The following PTPRG variants were observed in gnomAD, a reference collection of about 807,000 sequenced individuals.
The protein encoded by PTPRG is receptor-type tyrosine-protein phosphatase gamma.
A neutral mutation model predicts 165.3 loss-of-function variants in PTPRG; 102 were observed. The observed-to-expected ratio is 0.62, with a 90% CI of 0.53 to 0.73. The LOEUF (loss-of-function observed/expected upper bound fraction) is 0.73. Among genes scored for constraint, PTPRG ranks in the 30% least tolerant of loss-of-function variants. The pLI is 0.00. For missense variants in PTPRG, 1,866 were observed against 1,861.4 expected, an observed-to-expected ratio of 1.00 and a Z score of -0.05; for synonymous variants, 675 against 669.5, an observed-to-expected ratio of 1.01 and a Z score of -0.13.
intron 4 of PTPRG, among the ~76,000 whole-genome samples, chr3:62,036,983 G>GCGCACACA (rs145992725): frequency 0.022 from 3,319 of 150,546 alleles, 53 homozygotes; most frequent in South Asian, 0.057. Flanking sequence ...GCGCGCGCAC[G>GCGCACACA]CACACACACA....
At chr3:61,838,073 G>C (rs2036523925) in intron 2 of PTPRG, among the ~76,000 whole-genome samples, 1 of 152,156 alleles carries the variant, frequency 6.6e-6, no homozygotes, top group African/African-American at 2.4e-5. Context: ...ATGTTGCAGG[G>C]GAGGCACAAT....
chr3:62,154,692 T>G (rs1704469832), intron 6 of PTPRG, among the ~76,000 whole-genome samples: 1 of 152,198 alleles, frequency 6.6e-6, no homozygotes. Flanking sequence ...TGTCACTTCC[T>G]GTCAGCATAC....
chr3:62,267,449 A>T lies in PTPRG; in HGVS notation c.2696A>T (p.Lys899Ile). 2 of 1,612,198 alleles carry T rather than the reference A, an allele frequency of 1.2e-6. No individual in the cohort carries two copies. The highest frequency in any genetic ancestry group is 1.7e-6 in the Non-Finnish European group (2 of 1,178,524). Residue 899 changes from lysine to isoleucine, a missense_variant, in exon 18 of 30, where the codon AAA (lysine) becomes ATA (isoleucine). Transcript: ENST00000474889. ...GTGAAGTTAAGACCTTTACCAGGAA[A>T]AGACTCTAAGCACAGCGACTACATT... ...SRVKLRPLPGKDSKHSDYINA... is the reference protein window; with the variant it reads ...SRVKLRPLPGIDSKHSDYINA...
rs115043784 is a variant in PTPRG at position 61,956,874 on chromosome 3, T to C, written c.191-32751T>C. ...TCCTGGAATAGTACCACAGTGTGTT[T>C]TTCACTCCTTTAAAACATTCTTTAA... On this transcript the variant is annotated intron_variant, in intron 2 of 29. Transcript: ENST00000474889. Among the ~76,000 whole-genome samples the C allele has an allele frequency of 7.4e-3, 1,129 of 152,310 alleles. 12 individuals are homozygous for C. Among genetic ancestry groups the C allele is most frequent in the African/African-American group, 0.025 (1,046 of 41,560 alleles).
intron 4 of PTPRG, among the ~76,000 whole-genome samples, chr3:62,011,136 C>A (rs561176812): frequency 2.0e-4 from 30 of 152,310 alleles, no homozygotes; most frequent in Admixed American, 1.2e-3. Context: ...CCACCCCATC[C>A]TTCCAGTGCG....
chr3:62,281,538 C>CCTTTT, intron 26 of PTPRG, 25 bp from the exon 27 acceptor site: 1 of 620,526 alleles, frequency 1.6e-6, no homozygotes, highest in Non-Finnish European at 2.1e-6. Context: ...ACTGCAGAGG[C>CCTTTT]TTTTTTTTTT....
intron 1 of PTPRG, among the ~76,000 whole-genome samples, chr3:61,694,363 T>C (rs1222458939): frequency 6.6e-6 from 1 of 152,182 alleles, no homozygotes; most frequent in African/African-American, 2.4e-5. Context: ...TAACACTATC[T>C]CATGTTGATT....
chr3:62,185,757 A>G (rs1705854612), intron 8 of PTPRG, among the ~76,000 whole-genome samples: 1 of 152,198 alleles, frequency 6.6e-6, no homozygotes, highest in East Asian at 1.9e-4. Context: ...GTGTCCACGT[A>G]CTTGCCATTG....
At chr3:61,809,079 A>G (rs1575681017) in intron 2 of PTPRG, among the ~76,000 whole-genome samples, 2 of 150,914 alleles carry the variant, frequency 1.3e-5, no homozygotes, top group South Asian at 4.3e-4. Flanking sequence ...TATCATAAGA[A>G]TAAGTAAAAG....
At position 62,184,200 on chromosome 3, in the gene PTPRG, A is replaced by G. The variant is rs1705777064; in HGVS notation, c.1034-7269A>G. 3.3e-5 allele frequency among the ~76,000 whole-genome samples: 5 copies of G among 152,332 alleles called. No individual in the cohort carries two copies. In the South Asian group the frequency reaches 1.0e-3, roughly 32 times the overall value. ...GAGAGGAATGCACAGAGCCGGGCCC[A>G]GGGCATGTGCGTGGCAGCCGCAGCT... On this transcript the variant is annotated intron_variant, in intron 8 of 29. Coordinates refer to ENST00000474889, the MANE Select transcript of PTPRG (RefSeq NM_002841.4).
intron 2 of PTPRG, among the ~76,000 whole-genome samples, chr3:61,806,293 G>A (rs1220265085): frequency 3.3e-5 from 5 of 152,136 alleles, no homozygotes; most frequent in Admixed American, 6.6e-5. Context: ...ATGTGTTGGC[G>A]AGAAAGAAAG....
At chr3:62,220,841 C>T (rs1700635208) in intron 13 of PTPRG, among the ~76,000 whole-genome samples, 1 of 152,140 alleles carries the variant, frequency 6.6e-6, no homozygotes, top group East Asian at 1.9e-4. Flanking sequence ...AGACTGTCAC[C>T]ACAGGGGAGC....
At chr3:61,894,638 C>G (rs530475008) in intron 2 of PTPRG, among the ~76,000 whole-genome samples, 2 of 152,052 alleles carry the variant, frequency 1.3e-5, no homozygotes, top group African/African-American at 2.4e-5. Flanking sequence ...CTTAATGTCA[C>G]CCAGATATTA....
At chr3:62,050,081 T>C (rs1313629181) in intron 4 of PTPRG, among the ~76,000 whole-genome samples, 1 of 152,184 alleles carries the variant, frequency 6.6e-6, no homozygotes, top group Non-Finnish European at 1.5e-5. Context: ...AGAGAAATTG[T>C]TAAAAGAGGT....
At chr3:61,791,429 T>G (rs1287057219) in intron 2 of PTPRG, among the ~76,000 whole-genome samples, 1 of 152,258 alleles carries the variant, frequency 6.6e-6, no homozygotes, top group Non-Finnish European at 1.5e-5. Flanking sequence ...ATAACCTGTT[T>G]GAGGCAAGAG....
At chr3:61,833,163 G>C (rs566134913) in intron 2 of PTPRG, among the ~76,000 whole-genome samples, 1 of 151,712 alleles carries the variant, frequency 6.6e-6, no homozygotes, top group East Asian at 1.9e-4. Flanking sequence ...TTATTTGAAG[G>C]GTGGAGTAGA....
At chr3:61,839,543 C>T (rs531447554) in intron 2 of PTPRG, among the ~76,000 whole-genome samples, 1 of 152,156 alleles carries the variant, frequency 6.6e-6, no homozygotes, top group Admixed American at 6.5e-5. Context: ...TTAAACTAAC[C>T]TTGTCAGAGT....
At chr3:62,023,159 TTA>T (rs1467541866) in intron 4 of PTPRG, among the ~76,000 whole-genome samples, 3 of 152,196 alleles carry the variant, frequency 2.0e-5, no homozygotes, top group Non-Finnish European at 4.4e-5. Context: ...GCATATTATC[TTA>T]TGAGTTAATT....
At chr3:61,848,269 G>A (rs975695361) in intron 2 of PTPRG, among the ~76,000 whole-genome samples, 1 of 152,164 alleles carries the variant, frequency 6.6e-6, no homozygotes, top group Non-Finnish European at 1.5e-5. Flanking sequence ...CCACCTTCAC[G>A]CGTGGTTGTG....
Sources: allele counts gnomAD v4.1 joint callset (sites outside exome capture counted in the v4.1 genomes callset), GRCh38; gene constraint gnomAD v4.1.1; transcripts MANE v1.5; gene names NCBI Gene and HGNC (gene_info 2026-07-23, HGNC 2026-07-21).